Variants in FOCAD observed in about 807,000 individuals in gnomAD.
FOCAD encodes KIAA1797.
Under a neutral mutation model 225.6 loss-of-function variants are expected in FOCAD, and 198 were observed. The observed-to-expected ratio is 0.88, with a 90% CI of 0.78 to 0.99. FOCAD has a LOEUF of 0.99. Among genes scored for constraint, FOCAD ranks in the 50% least tolerant of loss-of-function variants. The pLI, the probability that FOCAD is intolerant of heterozygous loss-of-function variation, is 0.00. For synonymous variants in FOCAD, 897 were observed against 755.0 expected (o/e 1.19, Z -3.08); for missense variants, 2,713 against 2,123.6 (o/e 1.28, Z -5.46).
intron 6 of FOCAD, 37 bp from the exon 7 acceptor site, chr9:20,764,832 A>G: frequency 6.5e-7 from 1 of 1,537,394 alleles, no homozygotes; most frequent in Non-Finnish European, 9.0e-7. Context: ...TAGTGTGTTT[A>G]ACTCAATAAC....
chr9:20,774,820 C>T (rs761719923), intron 8 of FOCAD, among the ~76,000 whole-genome samples: 58 of 151,992 alleles, frequency 3.8e-4, no homozygotes, highest in Non-Finnish European at 8.8e-5. Context: ...CTCTCATTTG[C>T]CCAATGTTTT....
At chr9:20,692,405 A>G (rs1321689519) in intron 1 of FOCAD, among the ~76,000 whole-genome samples, 2 of 152,128 alleles carry the variant, frequency 1.3e-5, no homozygotes, top group Admixed American at 6.5e-5. Context: ...ACCCACTGCT[A>G]TCACCCTAGT....
chr9:20,659,440 A>AAGAAAGAAAGAAAGAAAGACAGACAGAC (rs71334544), intron 2 of FOCAD, among the ~76,000 whole-genome samples: 2 of 145,070 alleles, frequency 1.4e-5, no homozygotes, highest in East Asian at 2.1e-4. Context: ...GAAAGAAAGA[A>AAGAAAGAAAGAAAGAAAGACAGACAGAC]AGACAGACAG....
chr9:20,927,982 G>C (rs529157595), intron 26 of FOCAD: 4 of 151,468 alleles, frequency 2.6e-5, no homozygotes, highest in Admixed American at 2.6e-4. Context: ...AGATGATGTA[G>C]AATTAAATTG....
chr9:20,886,751 C>T (rs1312044597), intron 21 of FOCAD, among the ~76,000 whole-genome samples: 1 of 152,150 alleles, frequency 6.6e-6, no homozygotes, highest in Middle Eastern at 3.2e-3. Flanking sequence ...CCATATTCTG[C>T]TCAGTATATG....
At chr9:20,679,121 A>ATATGTG (rs1554650517) in intron 2 of FOCAD, among the ~76,000 whole-genome samples, 6 of 121,942 alleles carry the variant, frequency 4.9e-5, no homozygotes, top group African/African-American at 1.8e-4. Context: ...CAGTCTGTGT[A>ATATGTG]TGTGTGTGTG....
chr9:20,773,233 G>A (rs986212097), intron 8 of FOCAD, among the ~76,000 whole-genome samples: 6 of 152,140 alleles, frequency 3.9e-5, no homozygotes, highest in Non-Finnish European at 7.3e-5. Flanking sequence ...TTATTAAGCA[G>A]ATGCCTATGG....
chr9:20,871,285 T>G (rs578179452), intron 18 of FOCAD, among the ~76,000 whole-genome samples: 146 of 151,494 alleles, frequency 9.6e-4, no homozygotes, highest in African/African-American at 3.3e-3. Flanking sequence ...GGCAGGTCGT[T>G]TTTGTTGGTG....
chr9:20,812,192 C>G (rs1033788506), intron 11 of FOCAD, among the ~76,000 whole-genome samples: 6 of 151,924 alleles, frequency 3.9e-5, no homozygotes, highest in African/African-American at 1.4e-4. Context: ...GGAGTTTTGC[C>G]TCTCACTTTC....
At chr9:20,937,843 T>A (rs1836157905) in intron 28 of FOCAD, among the ~76,000 whole-genome samples, 1 of 152,130 alleles carries the variant, frequency 6.6e-6, no homozygotes, top group Non-Finnish European at 1.5e-5. Context: ...GACAAAAGGC[T>A]AATATCCAGA....
chr9:20,766,776 G>C (rs903247994), intron 7 of FOCAD, among the ~76,000 whole-genome samples: 1 of 151,738 alleles, frequency 6.6e-6, no homozygotes, highest in East Asian at 1.9e-4. Flanking sequence ...CTCAAAATAT[G>C]CTACTATGAA....
intron 11 of FOCAD, among the ~76,000 whole-genome samples, chr9:20,802,186 T>C (rs1821916839): frequency 6.6e-6 from 1 of 152,166 alleles, no homozygotes; most frequent in Non-Finnish European, 1.5e-5. Flanking sequence ...GGAAGCTGTG[T>C]CCTGTCATTC....
In FOCAD at chr9:20,720,422, A is replaced by C. The variant is rs1825680975; in HGVS notation, c.175A>C (p.Asn59His). ...NLLWEKCCSD[N>H]VVVRTACCEG... ...GCTGTGGGAGAAGTGTTGCAGTGAC[A>C]ATGTAGTGGTTCGAACAGCCTGCTG... Residue 59 changes from asparagine to histidine, a missense_variant, in exon 4 of 44, where the codon AAT becomes CAT. Physicochemically the swap from Asn to His is moderately conservative, Grantham distance 68. Coordinates refer to ENST00000338382, the MANE Select transcript of FOCAD (RefSeq NM_001375567.1). 2 of 1,614,038 alleles carry C rather than the reference A, an allele frequency of 1.2e-6. No homozygotes were observed. The highest frequency in any genetic ancestry group is 2.7e-5 in the African/African-American group (2 of 74,994).
intron 11 of FOCAD, among the ~76,000 whole-genome samples, chr9:20,791,145 G>A (rs1820484482): frequency 1.3e-5 from 2 of 151,828 alleles, no homozygotes; most frequent in Admixed American, 1.3e-4. Context: ...TTCCCTTGAA[G>A]TTATACAGTG....
In FOCAD at chr9:20,948,839, CTT is replaced by C; in HGVS notation, c.3799-10_3799-9del. 6.2e-7 allele frequency: 1 copy of C among 1,613,118 alleles called. No homozygotes were observed. Among genetic ancestry groups the C allele is most frequent in the Non-Finnish European group, 8.5e-7 (1 of 1,179,300 alleles). ...GATTCCCTCTTTTCATATTCTGATG[CTT>C]TGTTTTCAGGGCACTCCCACAATGC... On this transcript the variant is annotated splice_polypyrimidine_tract_variant and intron_variant, in intron 31 of 43. Transcript: ENST00000338382.
chr9:20,911,735 T>C (rs984186251), intron 22 of FOCAD, among the ~76,000 whole-genome samples: 1 of 152,136 alleles, frequency 6.6e-6, no homozygotes. Flanking sequence ...ACACAGCCAG[T>C]AGGTGTAAAT....
At chr9:20,883,527 T>C (rs1015454543) in intron 20 of FOCAD, among the ~76,000 whole-genome samples, 1 of 152,216 alleles carries the variant, frequency 6.6e-6, no homozygotes, top group Non-Finnish European at 1.5e-5. Flanking sequence ...AATTTCAAGA[T>C]ATTGAAGTCA....
chr9:20,852,701 A>G (rs1406558212), intron 15 of FOCAD, among the ~76,000 whole-genome samples: 1 of 151,814 alleles, frequency 6.6e-6, no homozygotes, highest in Non-Finnish European at 1.5e-5. Flanking sequence ...TTTTTTTGAT[A>G]CACAGCATAT....
chr9:20,772,358 A>C (rs1563972194), intron 8 of FOCAD, among the ~76,000 whole-genome samples: 1 of 152,176 alleles, frequency 6.6e-6, no homozygotes, highest in Non-Finnish European at 1.5e-5. Context: ...GTAGACATTA[A>C]CTTTGGGGTG....
Sources: allele counts gnomAD v4.1 joint callset (sites outside exome capture counted in the v4.1 genomes callset), GRCh38; gene constraint gnomAD v4.1.1; transcripts MANE v1.5; gene names NCBI Gene and HGNC (gene_info 2026-07-23, HGNC 2026-07-21).